WDHD1: variants seen among roughly 807,000 people sequenced by gnomAD.
The protein encoded by WDHD1 is WD repeat and HMG-box DNA-binding protein 1.
Under a neutral mutation model 135.4 loss-of-function variants are expected in WDHD1, and 111 were observed. That is an observed-to-expected ratio of 0.82 (90% CI 0.70 to 0.96). WDHD1 has a LOEUF of 0.96. Ranked by LOEUF, WDHD1 falls within the 40% of genes least tolerant of loss-of-function variation. The pLI, the probability that WDHD1 is intolerant of heterozygous loss-of-function variation, is 0.00. For missense variants in WDHD1, 1,351 were observed against 1,336.3 expected, an observed-to-expected ratio of 1.01 and a Z score of -0.17; for synonymous variants, 434 against 439.0, an observed-to-expected ratio of 0.99 and a Z score of 0.14.
chr14:54,996,264 T>G (rs901917142), intron 10 of WDHD1, among the ~76,000 whole-genome samples: 1 of 152,188 alleles, frequency 6.6e-6, no homozygotes, highest in African/African-American at 2.4e-5. Flanking sequence ...GTTTTGATAC[T>G]TATAAAAATA....
intron 8 of WDHD1, 87 bp from the exon 9 acceptor site, chr14:55,001,079 AT>A (rs201210469): frequency 3.3e-5 from 30 of 915,030 alleles, no homozygotes; most frequent in East Asian, 1.3e-4. Flanking sequence ...TTTTCTTTTC[AT>A]TTTTTTTCAA....
At position 54,991,290 on chromosome 14, in the gene WDHD1, C is replaced by G; in HGVS notation, c.1264G>C (p.Asp422His). The stretch of plus-strand genomic sequence containing the variant: ...TGCCGGGGAGTTGGCATGGGTCCAT[C>G]ATAAAATGGCCTTTGGGATGTTACA... ...PLVTSQRPFY[D>H]GPMPTPRQKP... The change falls in exon 12 of 26, where the codon GAT becomes CAT. Residue 422 changes from aspartate to histidine, a missense_variant. Asp to His is a moderately conservative substitution (Grantham distance 81). Around this residue, in one of 2 missense-constraint regions of WDHD1, gnomAD observed 1,330 missense variants for 1,296.1 expected, o/e 1.03. Transcript: ENST00000360586. 1 of 1,613,892 alleles carries G rather than the reference C, an allele frequency of 6.2e-7. No homozygotes were observed. Among genetic ancestry groups the G allele is most frequent in the Non-Finnish European group, 8.5e-7 (1 of 1,179,806 alleles).
intron 7 of WDHD1, among the ~76,000 whole-genome samples, chr14:55,002,740 G>C (rs753022883): frequency 6.6e-6 from 1 of 152,018 alleles, no homozygotes; most frequent in Non-Finnish European, 1.5e-5. Context: ...AAATAGCTAG[G>C]ACTACAGCCC....
In WDHD1 at chr14:54,957,099, G is replaced by T; in HGVS notation, c.2851C>A (p.Arg951=). The T allele has an allele frequency of 1.2e-6, 2 of 1,614,078 alleles. No individual in the cohort carries two copies. Among genetic ancestry groups the T allele is most frequent in the Non-Finnish European group, 1.7e-6 (2 of 1,180,000 alleles). The part of the protein sequence containing the change: ...KSSKKSTALS[R]TTNNEKSPII... ...GGAGACTTTTCATTATTTGTAGTTC[G>T]ACTAAGTGCAGTGGATTTCTTGGAT... The change falls in exon 23 of 26, where the codon CGA becomes AGA. Residue 951 remains arginine (R), a synonymous_variant. Coordinates refer to ENST00000360586, the MANE Select transcript of WDHD1 (RefSeq NM_007086.4).
At chr14:54,960,403 C>G (rs192923696) in intron 21 of WDHD1, among the ~76,000 whole-genome samples, 2 of 152,134 alleles carry the variant, frequency 1.3e-5, no homozygotes, top group Non-Finnish European at 1.5e-5. Context: ...CTCCTGACCT[C>G]GTGATCCACC....
chr14:55,008,464 G>C lies in WDHD1; in HGVS notation c.454-98C>G. ...AATCAAAAAGCCCTTTTATCAACTG[G>C]GTGAAATTTCCTGCTAACTCTCTTA... On this transcript the variant is annotated intron_variant, in intron 5 of 25. Transcript: ENST00000360586. 5.4e-6 allele frequency: 8 copies of C among 1,473,200 alleles called. No individual in the cohort carries two copies. In the South Asian group the frequency reaches 8.8e-5, roughly 16 times the overall value. The allele number at this position is 1,473,200 out of a possible 1,614,324, so 91.3% of individuals were successfully genotyped here. A position where few individuals can be genotyped will look rare whatever the true frequency, so the allele number is the denominator to read the frequency against.
chr14:54,953,917 A>G (rs1246313965), intron 24 of WDHD1, among the ~76,000 whole-genome samples: 1 of 152,158 alleles, frequency 6.6e-6, no homozygotes, highest in Non-Finnish European at 1.5e-5. Context: ...GTGAGAACTG[A>G]ACAATGAGAA....
rs760749229 is a variant in WDHD1, at chr14:54,955,710, T to G, written c.2917-16A>C. 1 of 1,518,124 alleles carries G rather than the reference T, an allele frequency of 6.6e-7. No individual in the cohort carries two copies. Among genetic ancestry groups the G allele is most frequent in the Non-Finnish European group, 8.8e-7 (1 of 1,139,694 alleles). 94.0% of individuals were successfully genotyped at this position (1,518,124 alleles called of 1,614,324 possible). A position where few individuals can be genotyped will look rare whatever the true frequency, so the allele number is the denominator to read the frequency against. On this transcript the variant is annotated splice_polypyrimidine_tract_variant and intron_variant, in intron 23 of 25. Coordinates refer to ENST00000360586, the MANE Select transcript of WDHD1 (RefSeq NM_007086.4). ...CTGCAGATGCCTATAAAAACAAACA[T>G]GAATACTGCAATAACATCTAGTATA...
chr14:55,023,400 T>G (rs76164691), intron 2 of WDHD1, among the ~76,000 whole-genome samples: 19 of 152,346 alleles, frequency 1.2e-4, no homozygotes, highest in Non-Finnish European at 2.8e-4. Context: ...CAAATTTCCT[T>G]TTCACAGTGG....
At chr14:54,988,756 T>G (rs1225552169) in intron 13 of WDHD1, among the ~76,000 whole-genome samples, 1 of 149,840 alleles carries the variant, frequency 6.7e-6, no homozygotes, top group Non-Finnish European at 1.5e-5. Flanking sequence ...AAAAAGCACT[T>G]AACAATGTAA....
chr14:54,979,928 C>G (rs181376696), intron 16 of WDHD1, among the ~76,000 whole-genome samples: 5 of 152,280 alleles, frequency 3.3e-5, no homozygotes, highest in African/African-American at 1.2e-4. Context: ...GCAGATTTTT[C>G]TATATCATTA....
intron 3 of WDHD1, among the ~76,000 whole-genome samples, chr14:55,011,511 T>G (rs1273343038): frequency 2.4e-5 from 2 of 84,832 alleles, no homozygotes; most frequent in East Asian, 4.0e-4. Flanking sequence ...GCAACAAGAG[T>G]GAAACTCTGT....
chr14:55,026,701 AG>A lies in WDHD1; in HGVS notation c.77+9del. On this transcript the variant is annotated intron_variant, in intron 2 of 25. Transcript: ENST00000360586. ...TTGCACCTAAAACGTTGTTTCTCAA[AG>A]AACCTTACCTCCCAGAATCATCAAA... is the stretch of plus-strand genomic sequence containing the variant. 1 of 1,614,118 alleles carries A rather than the reference AG, an allele frequency of 6.2e-7. No homozygotes were observed. Among genetic ancestry groups the A allele is most frequent in the Non-Finnish European group, 8.5e-7 (1 of 1,179,938 alleles).
chr14:55,017,600 TC>T (rs1276456414), intron 2 of WDHD1, among the ~76,000 whole-genome samples: 10 of 152,108 alleles, frequency 6.6e-5, no homozygotes, highest in South Asian at 2.1e-4. Flanking sequence ...ACCTCAGCTT[TC>T]CAAAGTGCTG....
At chr14:54,944,846 G>A (rs2040896541) in intron 24 of WDHD1, among the ~76,000 whole-genome samples, 1 of 152,004 alleles carries the variant, frequency 6.6e-6, no homozygotes. Flanking sequence ...GACCTCACGT[G>A]ATCTGCCCGC....
chr14:54,972,100 G>A (rs2041444153), intron 16 of WDHD1, among the ~76,000 whole-genome samples: 1 of 151,826 alleles, frequency 6.6e-6, no homozygotes, highest in Non-Finnish European at 1.5e-5. Context: ...GTGAAACCCT[G>A]TCTCTACTAA....
At chr14:54,949,510 C>G (rs1397227958) in intron 24 of WDHD1, among the ~76,000 whole-genome samples, 1 of 152,060 alleles carries the variant, frequency 6.6e-6, no homozygotes, top group Non-Finnish European at 1.5e-5. Flanking sequence ...TGTGAAAAGA[C>G]CAAATCTACG....
At chr14:54,942,202 G>A (rs2140142914) in intron 25 of WDHD1, among the ~76,000 whole-genome samples, 1 of 152,084 alleles carries the variant, frequency 6.6e-6, no homozygotes, top group South Asian at 2.1e-4. Flanking sequence ...AGTGAGCTGA[G>A]ATCACGCCAC....
intron 24 of WDHD1, among the ~76,000 whole-genome samples, chr14:54,953,873 C>T (rs2041105619): frequency 6.6e-6 from 1 of 151,910 alleles, no homozygotes; most frequent in African/African-American, 2.4e-5. Context: ...ATCTCAAGGA[C>T]AAAAAACCAA....
Sources: allele counts gnomAD v4.1 joint callset (sites outside exome capture counted in the v4.1 genomes callset), GRCh38; gene constraint gnomAD v4.1.1; regional missense constraint gnomAD v4.1.1; transcripts MANE v1.5; gene names NCBI Gene and HGNC (gene_info 2026-07-23, HGNC 2026-07-21).